The following PTPRN2 variants were observed in gnomAD, a reference collection of about 807,000 sequenced individuals.
PTPRN2 encodes protein tyrosine phosphatase receptor type N2.
PTPRN2 carries 74 observed loss-of-function variants against 118.8 expected under a neutral mutation model. That is an observed-to-expected ratio of 0.62 (90% CI 0.52 to 0.76). The LOEUF is 0.76. PTPRN2 is among the 30% of genes least tolerant of loss of function. The pLI is 0.00. For missense variants in PTPRN2, 1,481 were observed against 1,394.4 expected (o/e 1.06, Z -0.99); for synonymous variants, 641 against 608.0 (o/e 1.05, Z -0.80).
intron 3 of PTPRN2, among the ~76,000 whole-genome samples, chr7:158,218,282 T>C (rs1327880373): frequency 7.2e-5 from 11 of 152,144 alleles, no homozygotes; most frequent in African/African-American, 2.2e-4. Flanking sequence ...CTGGGGGCCC[T>C]ATTTTCAGCA....
rs529157395 is a variant in PTPRN2, at chr7:157,814,070, A to G, written c.1788+84603T>C. On this transcript the variant is annotated intron_variant, in intron 12 of 22. Coordinates refer to ENST00000389418, the MANE Select transcript of PTPRN2 (RefSeq NM_002847.5). Reference sequence around the variant, plus strand: ...GCGAGGCAGTGGTCGCCACACCCACACTGCCGTGCTGCGCAGGTGAGGCCT... The same window carrying G: ...GCGAGGCAGTGGTCGCCACACCCACGCTGCCGTGCTGCGCAGGTGAGGCCT... Among the ~76,000 whole-genome samples the G allele has an allele frequency of 2.8e-4, 42 of 152,302 alleles. No individual in the cohort carries two copies. The East Asian group carries it at 7.7e-3, about 28-fold the overall frequency.
At position 158,469,376 on chromosome 7, in the gene PTPRN2, A is replaced by C. The variant is rs537763789; in HGVS notation, c.163+20359T>G. On this transcript the variant is annotated intron_variant, in intron 2 of 22. Transcript: ENST00000389418. ...GAATCGTTTGAACCCCAGGAGGGGG[A>C]GGTTGCAGTGAGCCAAGATAGCACC... Among the ~76,000 whole-genome samples the C allele has an allele frequency of 3.2e-3, 483 of 152,246 alleles. 2 individuals carry two copies. Among genetic ancestry groups the C allele is most frequent in the African/African-American group, 0.011 (459 of 41,530 alleles).
intron 14 of PTPRN2, among the ~76,000 whole-genome samples, chr7:157,652,242 G>C (rs1281426792): frequency 6.6e-6 from 1 of 152,226 alleles, no homozygotes; most frequent in Non-Finnish European, 1.5e-5. Flanking sequence ...GCCGGGCTCT[G>C]TTCCTTCAGC....
intron 3 of PTPRN2, among the ~76,000 whole-genome samples, chr7:158,262,012 G>A (rs542781454): frequency 7.0e-4 from 107 of 152,242 alleles, no homozygotes; most frequent in Admixed American, 2.9e-3. Context: ...GGCCACAGCC[G>A]CCCTGAGCCC....
intron 1 of PTPRN2, among the ~76,000 whole-genome samples, chr7:158,501,587 C>T (rs1822364273): frequency 6.6e-6 from 1 of 152,162 alleles, no homozygotes; most frequent in Non-Finnish European, 1.5e-5. Flanking sequence ...TGTCAGCAGT[C>T]GCAGGGGGGG....
At chr7:158,196,904 G>A (rs1440724343) in intron 4 of PTPRN2, among the ~76,000 whole-genome samples, 4 of 152,308 alleles carry the variant, frequency 2.6e-5, no homozygotes, top group African/African-American at 9.6e-5. Context: ...ATACGACACT[G>A]AAGGACATCA....
At chr7:157,767,517 C>T (rs73165834) in intron 12 of PTPRN2, among the ~76,000 whole-genome samples, 14,062 of 152,262 alleles carry the variant, frequency 0.092, 745 homozygotes, top group Middle Eastern at 0.16. Flanking sequence ...AGAATGCTCA[C>T]GAATACAGCA....
At chr7:158,392,937 C>T (rs528304319) in intron 2 of PTPRN2, among the ~76,000 whole-genome samples, 29 of 152,308 alleles carry the variant, frequency 1.9e-4, no homozygotes, top group African/African-American at 5.5e-4. Context: ...TCCTCGAGCA[C>T]GCCTGTCAAC....
At chr7:158,182,052 A>G (rs10231396) in intron 5 of PTPRN2, among the ~76,000 whole-genome samples, 97,160 of 152,022 alleles carry the variant, frequency 0.64, 31,877 homozygotes, top group East Asian at 0.85. Flanking sequence ...CATTTAGCAC[A>G]GTGAACTTTC....
intron 11 of PTPRN2, among the ~76,000 whole-genome samples, chr7:157,958,427 G>A (rs1405333618): frequency 1.3e-5 from 2 of 152,018 alleles, no homozygotes; most frequent in Non-Finnish European, 2.9e-5. Context: ...ATAAGTAAAA[G>A]GCATCTAAAT....
intron 11 of PTPRN2, among the ~76,000 whole-genome samples, chr7:157,999,979 C>A (rs1805089939): frequency 1.3e-5 from 2 of 152,056 alleles, no homozygotes; most frequent in African/African-American, 4.8e-5. Flanking sequence ...CTCCACCTCC[C>A]AGGTTCAAGT....
At chr7:158,169,636 G>C (rs1396396158) in intron 5 of PTPRN2, among the ~76,000 whole-genome samples, 2 of 151,916 alleles carry the variant, frequency 1.3e-5, no homozygotes, top group East Asian at 3.9e-4. Flanking sequence ...TAAATTACTT[G>C]ACCCCTAAAG....
chr7:157,825,610 C>G (rs969464797), intron 12 of PTPRN2, among the ~76,000 whole-genome samples: 1 of 152,196 alleles, frequency 6.6e-6, no homozygotes, highest in African/African-American at 2.4e-5. Flanking sequence ...TGAAGGCTCC[C>G]GTGTTAAGAG....
chr7:158,195,366 T>C (rs573777311), intron 4 of PTPRN2, among the ~76,000 whole-genome samples: 19 of 152,230 alleles, frequency 1.2e-4, no homozygotes, highest in Non-Finnish European at 1.9e-4. Context: ...TTTTTTCCTC[T>C]GGCTGCTTTT....
chr7:158,540,118 G>A (rs949175310), intron 1 of PTPRN2, among the ~76,000 whole-genome samples: 2 of 152,186 alleles, frequency 1.3e-5, no homozygotes, highest in African/African-American at 2.4e-5. Context: ...GCGGGTGCCT[G>A]AGTGGCCTTT....
intron 2 of PTPRN2, among the ~76,000 whole-genome samples, chr7:158,457,759 G>A (rs949373096): frequency 3.5e-5 from 5 of 144,086 alleles, no homozygotes; most frequent in South Asian, 2.4e-4. Context: ...CTCGGCCTGC[G>A]GGAACACAGC....
intron 3 of PTPRN2, among the ~76,000 whole-genome samples, chr7:158,268,289 G>A (rs963637744): frequency 3.8e-4 from 52 of 137,022 alleles, no homozygotes; most frequent in Admixed American, 1.3e-3. Context: ...GCCCAGACGC[G>A]TGCACACGGG....
rs189295161 is a variant in PTPRN2, at chr7:157,867,347, C to T, written c.1788+31326G>A. On this transcript the variant is annotated intron_variant, in intron 12 of 22. Transcript: ENST00000389418. The stretch of plus-strand genomic sequence containing the variant: ...CCCTGTCCCTGACACCCTGGATACA[C>T]GGCCACCACCCCGCCCCTGACGCCC... Among the ~76,000 whole-genome samples the T allele has an allele frequency of 2.9e-3, 372 of 126,220 alleles. 10 individuals are homozygous for T. Among genetic ancestry groups the T allele is most frequent in the African/African-American group, 0.013 (350 of 27,568 alleles). 82.8% of individuals were successfully genotyped at this position (126,220 alleles called of 152,430 possible).
intron 2 of PTPRN2, among the ~76,000 whole-genome samples, chr7:158,320,398 G>C (rs1802900303): frequency 6.6e-6 from 1 of 152,174 alleles, no homozygotes; most frequent in South Asian, 2.1e-4. Context: ...ACTCCCAGCA[G>C]CTGCGATGGC....
Sources: gnomAD v4.1 joint callset for allele counts (sites outside exome capture counted in the v4.1 genomes callset) on GRCh38, gnomAD v4.1.1 for gene constraint, MANE v1.5 for transcripts, NCBI Gene and HGNC (gene_info 2026-07-23, HGNC 2026-07-21) for gene names.